MAPK6: variants seen among roughly 807,000 people sequenced by gnomAD.
The protein encoded by MAPK6 is mitogen-activated protein kinase 6.
Under a neutral mutation model 59.3 loss-of-function variants are expected in MAPK6, and 19 were observed. That is an observed-to-expected ratio of 0.32 (90% CI 0.22 to 0.47). The LOEUF (loss-of-function observed/expected upper bound fraction) is 0.47, where lower values mean the gene tolerates loss of function less well. Ranked by LOEUF, MAPK6 falls within the 20% of genes least tolerant of loss-of-function variation. The pLI is 1.00. For missense variants in MAPK6, 724 were observed against 847.9 expected, an observed-to-expected ratio of 0.85 and a Z score of 1.81; for synonymous variants, 316 against 290.3, an observed-to-expected ratio of 1.09 and a Z score of -0.90.
At chr15:52,025,273 A>G (rs2030724962) in intron 1 of MAPK6, among the ~76,000 whole-genome samples, 1 of 152,120 alleles carries the variant, frequency 6.6e-6, no homozygotes, top group African/African-American at 2.4e-5. Flanking sequence ...AATTAAAATG[A>G]TGCATACATG....
At chr15:52,034,239 C>A (rs2031154724) in intron 1 of MAPK6, among the ~76,000 whole-genome samples, 1 of 152,186 alleles carries the variant, frequency 6.6e-6, no homozygotes, top group Admixed American at 6.5e-5. Context: ...CCCGCCTCAG[C>A]CTCCCAAAGT....
intron 3 of MAPK6, among the ~76,000 whole-genome samples, chr15:52,007,417 T>G (rs74013636): frequency 0.073 from 11,136 of 152,238 alleles, 871 homozygotes; most frequent in African/African-American, 0.19. Flanking sequence ...CTAAGCTAGT[T>G]AAGAAGACAA....
chr15:52,051,074 C>G (rs1427743508), intron 3 of MAPK6, among the ~76,000 whole-genome samples: 1 of 148,880 alleles, frequency 6.7e-6, no homozygotes, highest in South Asian at 2.1e-4. Context: ...TTTTTTTTTT[C>G]TGAGACGGAG....
intron 1 of MAPK6, among the ~76,000 whole-genome samples, chr15:52,021,826 G>A (rs2030540809): frequency 6.6e-6 from 1 of 152,044 alleles, no homozygotes; most frequent in South Asian, 2.1e-4. Flanking sequence ...TGTGATTTAT[G>A]TGAATTTTCT....
At chr15:51,988,865 A>G (rs74315872) in intron 2 of MAPK6, among the ~76,000 whole-genome samples, 2,550 of 152,220 alleles carry the variant, frequency 0.017, 30 homozygotes, top group African/African-American at 0.034. Context: ...TGATCCCTCC[A>G]GAGGCTCTGG....
intron 1 of MAPK6, among the ~76,000 whole-genome samples, chr15:51,978,249 C>T (rs957951870): frequency 1.3e-5 from 2 of 151,710 alleles, no homozygotes; most frequent in Admixed American, 1.3e-4. Context: ...TCTCCTGCCT[C>T]AGCCTCCCGA....
chr15:51,971,973 G>A (rs945174874), intron 1 of MAPK6, among the ~76,000 whole-genome samples: 2 of 152,116 alleles, frequency 1.3e-5, no homozygotes, highest in African/African-American at 4.8e-5. Context: ...CTTACCAGGG[G>A]GCGGGGGGGT....
chr15:52,028,287 G>A (rs191554555), intron 1 of MAPK6, among the ~76,000 whole-genome samples: 1 of 152,182 alleles, frequency 6.6e-6, no homozygotes, highest in African/African-American at 2.4e-5. Context: ...ATTCGTCTCT[G>A]TGTTGACCAG....
rs961561068 is a variant in MAPK6, at chr15:52,066,315, T to C, written c.*1315T>C. On this transcript the variant is annotated 3_prime_UTR_variant, in exon 6 of 6. Coordinates refer to ENST00000261845, the MANE Select transcript of MAPK6 (RefSeq NM_002748.4). The stretch of plus-strand genomic sequence containing the variant: ...TGAAAATTTTCTGCTAGAATGAAAA[T>C]TACTACCAGAATCACTTTGAATTAT... 6.6e-6 allele frequency: 1 copy of C among 152,150 alleles called. No homozygotes were observed. Among genetic ancestry groups the C allele is most frequent in the African/African-American group, 2.4e-5 (1 of 41,432 alleles). 9.4% of individuals were successfully genotyped at this position (152,150 alleles called of 1,614,324 possible). A position where few individuals can be genotyped will look rare whatever the true frequency, so the allele number is the denominator to read the frequency against.
At chr15:52,007,577 T>C (rs1297174946) in intron 3 of MAPK6, among the ~76,000 whole-genome samples, 6 of 152,088 alleles carry the variant, frequency 3.9e-5, no homozygotes, top group Non-Finnish European at 8.8e-5. Flanking sequence ...CAGTTTTAAA[T>C]ACAAATATAA....
At chr15:51,994,789 GA>G (rs1477352077) in intron 2 of MAPK6, among the ~76,000 whole-genome samples, 1 of 152,182 alleles carries the variant, frequency 6.6e-6, no homozygotes, top group East Asian at 1.9e-4. Flanking sequence ...AAAGGTGCAT[GA>G]ATCTAATCAT....
intron 3 of MAPK6, among the ~76,000 whole-genome samples, chr15:52,053,232 C>G (rs955640660): frequency 5.3e-5 from 8 of 152,006 alleles, no homozygotes; most frequent in Non-Finnish European, 1.2e-4. Flanking sequence ...TGTGCCACCA[C>G]GCCCAGCTAA....
chr15:52,030,991 A>T (rs1011649157), intron 1 of MAPK6, among the ~76,000 whole-genome samples: 1 of 151,432 alleles, frequency 6.6e-6, no homozygotes, highest in African/African-American at 2.4e-5. Flanking sequence ...ACAGGGTTTC[A>T]CCATGTTGGT....
chr15:52,041,948 G>A (rs1004768638), intron 1 of MAPK6, among the ~76,000 whole-genome samples: 4 of 152,162 alleles, frequency 2.6e-5, no homozygotes, highest in Non-Finnish European at 5.9e-5. Context: ...TAAACTCCAT[G>A]AGGGCAGAGC....
intron 1 of MAPK6, among the ~76,000 whole-genome samples, chr15:52,039,227 C>T (rs1398957521): frequency 6.6e-6 from 1 of 152,144 alleles, no homozygotes; most frequent in Admixed American, 6.5e-5. Flanking sequence ...TCAGGCTGGT[C>T]GCAGGTGATC....
intron 1 of MAPK6, among the ~76,000 whole-genome samples, chr15:52,037,547 C>T (rs1181437778): frequency 6.6e-6 from 1 of 152,186 alleles, no homozygotes; most frequent in Non-Finnish European, 1.5e-5. Flanking sequence ...CACAGTCCCT[C>T]CCCATCACCT....
At position 52,064,461 on chromosome 15, in the gene MAPK6, C is replaced by T. The variant is rs1393470147; in HGVS notation, c.1627C>T (p.Pro543Ser). The change falls in exon 6 of 6, where the codon CCT (proline) becomes TCT (serine). Residue 543 changes from proline (P) to serine (S), a missense_variant. By Grantham distance (74) the Pro-to-Ser change is moderately conservative (BLOSUM62 -1). Around this residue, in one of 4 missense-constraint regions of MAPK6, gnomAD observed 502 missense variants for 507.6 expected, o/e 0.99. Transcript: ENST00000261845. ...GTIQLSSQHEPTDVVDKLNDL... is the reference protein window; with the variant it reads ...GTIQLSSQHESTDVVDKLNDL... ...TATTCAGCTTAGTTCCCAGCATGAGCCTACTGATGTTGTTGATAAATTAAA... is the reference window on the plus strand; with the variant it reads ...TATTCAGCTTAGTTCCCAGCATGAGTCTACTGATGTTGTTGATAAATTAAA... The T allele has an allele frequency of 1.4e-5, 22 of 1,608,902 alleles. No homozygotes were observed. Among genetic ancestry groups the T allele is most frequent in the South Asian group, 8.8e-5 (8 of 90,500 alleles).
intron 2 of MAPK6, among the ~76,000 whole-genome samples, chr15:51,992,906 C>A (rs925284342): frequency 9.2e-5 from 14 of 152,058 alleles, no homozygotes; most frequent in Non-Finnish European, 1.9e-4. Context: ...GGAACCTCCA[C>A]GTGTTCACTT....
intron 4 of MAPK6, among the ~76,000 whole-genome samples, 179 bp downstream of exon 4, chr15:52,058,976 C>G (rs2032092536): frequency 6.6e-6 from 1 of 152,148 alleles, no homozygotes; most frequent in Non-Finnish European, 1.5e-5. Flanking sequence ...GTTACTTGGG[C>G]TACGATCTGT....
Sources: allele counts gnomAD v4.1 joint callset (sites outside exome capture counted in the v4.1 genomes callset), GRCh38; gene constraint gnomAD v4.1.1; regional missense constraint gnomAD v4.1.1; transcripts MANE v1.5; gene names NCBI Gene and HGNC (gene_info 2026-07-23, HGNC 2026-07-21).